The following EYA2 variants were observed in gnomAD, a reference collection of about 807,000 sequenced individuals.
EYA2 encodes the protein EYA transcriptional coactivator and phosphatase 2.
In EYA2, 31 loss-of-function variants were observed where a neutral mutation model predicts 69.2. That is an observed-to-expected ratio of 0.45 (90% confidence interval 0.34 to 0.60). EYA2 has a LOEUF of 0.60. Ranked by LOEUF, EYA2 falls within the 20% of genes least tolerant of loss-of-function variation. The pLI, the probability that EYA2 is intolerant of heterozygous loss-of-function variation, is 0.02. For synonymous variants in EYA2, 257 were observed against 279.4 expected (o/e 0.92, Z 0.80); for missense variants, 622 against 701.2 (o/e 0.89, Z 1.28).
At chr20:47,058,211 C>T (rs1600676809) in intron 5 of EYA2, among the ~76,000 whole-genome samples, 2 of 152,324 alleles carry the variant, frequency 1.3e-5, no homozygotes, top group South Asian at 2.1e-4. Context: ...TTAGAATCAT[C>T]GGTCATCAGA....
Position 47,158,260 on chromosome 20 carries a change from AT to A in EYA2, c.979-10876del, listed in dbSNP as rs1313196556. Among the ~76,000 whole-genome samples the A allele has an allele frequency of 2.0e-5, 3 of 151,990 alleles. 1 individual carries two copies. The highest frequency in any genetic ancestry group is 4.4e-5 in the Non-Finnish European group (3 of 68,028). ...CTGGGTGCAGTGGCTCACGCCTGTA[AT>A]TTCAGCACTTTGGAAGGCCCAGGTG... On this transcript the variant is annotated intron_variant, in intron 10 of 15. Transcript: ENST00000327619.
intron 1 of EYA2, among the ~76,000 whole-genome samples, chr20:46,932,502 T>C (rs1985714781): frequency 6.6e-6 from 1 of 151,728 alleles, no homozygotes; most frequent in Non-Finnish European, 1.5e-5. Context: ...AGGGACCTGG[T>C]GGGAGGTGAT....
In EYA2 at chr20:46,955,296, G is replaced by T. The variant is rs142931926; in HGVS notation, c.-10-34705G>T. 2.6e-5 allele frequency among the ~76,000 whole-genome samples: 4 copies of T among 152,026 alleles called. No individual in the cohort carries two copies. In the South Asian group the frequency reaches 6.2e-4, roughly 24 times the overall value. ...ACAGGCGTGAGCCACCAGGCCCACCGGGCCCAGCTGTCATTATTTATTTAA... is the reference window on the plus strand; with the variant it reads ...ACAGGCGTGAGCCACCAGGCCCACCTGGCCCAGCTGTCATTATTTATTTAA... On this transcript the variant is annotated intron_variant, in intron 1 of 15. Transcript: ENST00000327619.
chr20:47,110,499 G>A (rs1195376701), intron 9 of EYA2, among the ~76,000 whole-genome samples: 4 of 152,140 alleles, frequency 2.6e-5, no homozygotes, highest in African/African-American at 9.7e-5. Context: ...TGTGATTACA[G>A]GCGTGAGCCA....
chr20:47,036,814 A>G (rs138011651), intron 5 of EYA2, among the ~76,000 whole-genome samples: 1 of 152,312 alleles, frequency 6.6e-6, no homozygotes, highest in African/African-American at 2.4e-5. Context: ...CTGAACTCAG[A>G]TCGCCTAAAT....
Position 47,074,262 on chromosome 20 carries a change from C to T in EYA2, c.588C>T (p.Pro196=), listed in dbSNP as rs1013194543. The T allele has an allele frequency of 3.1e-6, 5 of 1,614,054 alleles. No homozygotes were observed. The African/African-American group carries it at 4.0e-5, about 13-fold the overall frequency. Residue 196 remains proline (P), a synonymous_variant, in exon 7 of 16, where the codon CCC becomes CCT. Transcript: ENST00000327619. ...YVPASSICPS[P]LSTSTYVLQE... ...CGGCCAGCAGCATCTGCCCTTCGCC[C>T]CTCTCCACGTCCACCTACGTCCTCC... is the stretch of plus-strand genomic sequence containing the variant.
intron 1 of EYA2, among the ~76,000 whole-genome samples, chr20:46,935,787 T>C (rs1985881408): frequency 6.6e-6 from 1 of 152,084 alleles, no homozygotes; most frequent in South Asian, 2.1e-4. Flanking sequence ...ATTTGTAATA[T>C]TATGTTGCAA....
At chr20:46,957,118 A>G (rs978898822) in intron 1 of EYA2, among the ~76,000 whole-genome samples, 1 of 152,354 alleles carries the variant, frequency 6.6e-6, no homozygotes, top group Middle Eastern at 3.4e-3. Flanking sequence ...AGGGCCTGGT[A>G]TGTAGGAAGC....
intron 1 of EYA2, chr20:46,978,344 G>A: frequency 3.0e-6 from 1 of 335,636 alleles, no homozygotes; most frequent in Non-Finnish European, 5.9e-6. Context: ...GTGTGATAGA[G>A]GGCCATGGGC....
At chr20:46,936,611 G>A (rs1198672548) in intron 1 of EYA2, among the ~76,000 whole-genome samples, 1 of 152,142 alleles carries the variant, frequency 6.6e-6, no homozygotes, top group Non-Finnish European at 1.5e-5. Flanking sequence ...ACAAAGGCAG[G>A]TGTCTTTCTC....
intron 4 of EYA2, among the ~76,000 whole-genome samples, chr20:47,006,744 A>C (rs1407186167): frequency 6.6e-6 from 1 of 152,104 alleles, no homozygotes; most frequent in East Asian, 1.9e-4. Flanking sequence ...ATCAGGCAGC[A>C]CTAGACTCAC....
chr20:47,083,450 C>A (rs936552183), intron 7 of EYA2, among the ~76,000 whole-genome samples: 1 of 151,822 alleles, frequency 6.6e-6, no homozygotes, highest in Non-Finnish European at 1.5e-5. Flanking sequence ...TGGTGGCGCA[C>A]ACCTGTAATC....
At chr20:47,120,587 C>T (rs1036720169) in intron 9 of EYA2, among the ~76,000 whole-genome samples, 7 of 152,122 alleles carry the variant, frequency 4.6e-5, no homozygotes, top group African/African-American at 7.2e-5. Flanking sequence ...GGAATCCTGC[C>T]GGGTGATGTG....
At chr20:47,031,903 C>T (rs1984440953) in intron 5 of EYA2, among the ~76,000 whole-genome samples, 2 of 152,132 alleles carry the variant, frequency 1.3e-5, no homozygotes, top group African/African-American at 4.8e-5. Flanking sequence ...ACAAAAAATG[C>T]AGAGTCCTAT....
chr20:46,919,682 T>C (rs1199512146), intron 1 of EYA2, among the ~76,000 whole-genome samples: 1 of 152,266 alleles, frequency 6.6e-6, no homozygotes, highest in Non-Finnish European at 1.5e-5. Context: ...TTTGCTTTCT[T>C]ATCACTCGTG....
At chr20:47,086,678 C>T (rs1041784354) in intron 7 of EYA2, among the ~76,000 whole-genome samples, 1 of 152,108 alleles carries the variant, frequency 6.6e-6, no homozygotes, top group Admixed American at 6.5e-5. Flanking sequence ...TACCAGGCCC[C>T]GCCTCTAACA....
At chr20:46,968,176 T>C (rs1256995995) in intron 1 of EYA2, among the ~76,000 whole-genome samples, 1 of 152,210 alleles carries the variant, frequency 6.6e-6, no homozygotes, top group Admixed American at 6.5e-5. Context: ...CCTGTGACCC[T>C]AGGGGGAGGA....
chr20:47,086,604 C>T (rs1340703827), intron 7 of EYA2, among the ~76,000 whole-genome samples: 1 of 152,098 alleles, frequency 6.6e-6, no homozygotes, highest in African/African-American at 2.4e-5. Flanking sequence ...TGTGCGGTAC[C>T]CGGGGAGGGG....
At chr20:47,161,707 C>A in intron 10 of EYA2, 1 of 195,344 alleles carries the variant, frequency 5.1e-6, no homozygotes, top group South Asian at 8.4e-5. Context: ...CCCCATCCCC[C>A]AAAACCGGAT....
Sources: gnomAD v4.1 joint callset for allele counts (sites outside exome capture counted in the v4.1 genomes callset) on GRCh38, gnomAD v4.1.1 for gene constraint, MANE v1.5 for transcripts, NCBI Gene and HGNC (gene_info 2026-07-23, HGNC 2026-07-21) for gene names.